Variants in PCDHGA8 observed in about 807,000 individuals in gnomAD.
PCDHGA8 encodes the protein protocadherin gamma subfamily A, 8.
In PCDHGA8, 45 loss-of-function variants were observed where a neutral mutation model predicts 59.2. The ratio of observed to expected loss-of-function variants is 0.76; its 90% CI spans 0.60 to 0.98. The LOEUF is 0.98. PCDHGA8 is among the 50% of genes least tolerant of loss of function. The pLI is 0.00. For synonymous variants in PCDHGA8, 531 were observed against 519.0 expected (o/e 1.02, Z -0.32); for missense variants, 1,257 against 1,196.2 (o/e 1.05, Z -0.75).
intron 1 of PCDHGA8, among the ~76,000 whole-genome samples, chr5:141,446,961 GA>G (rs1466390366): frequency 2.0e-5 from 3 of 152,070 alleles, no homozygotes; most frequent in Admixed American, 1.3e-4. Context: ...AGCACCCAGG[GA>G]AATTTGCTGT....
intron 2 of PCDHGA8, 160 bp from the exon 3 acceptor site, chr5:141,505,233 C>T: frequency 1.1e-6 from 1 of 872,838 alleles, no homozygotes; most frequent in Non-Finnish European, 1.4e-6. Context: ...ATTCTGGCTT[C>T]TGAAGGATTG....
chr5:141,408,313 T>C, intron 1 of PCDHGA8: 1 of 1,613,758 alleles, frequency 6.2e-7, no homozygotes, highest in South Asian at 1.1e-5. Context: ...GCTACTCGAT[T>C]CCGGAGGAGC....
At position 141,404,149 on chromosome 5, in the gene PCDHGA8, A is replaced by G. The variant is rs758060942; in HGVS notation, c.2424+8912A>G. The G allele has an allele frequency of 3.1e-6, 5 of 1,612,750 alleles. No individual in the cohort carries two copies. In the African/African-American group the frequency reaches 5.3e-5, roughly 17 times the overall value. On this transcript the variant is annotated intron_variant, in intron 1 of 3. Transcript: ENST00000398604. Reference sequence around the variant, plus strand: ...CTTTTACATTAGAAAATTCAGAAGAAGATTATTACAGATTGTTGACGGCCC... The same window carrying G: ...CTTTTACATTAGAAAATTCAGAAGAGGATTATTACAGATTGTTGACGGCCC...
chr5:141,424,860 A>C (rs2154550951), intron 1 of PCDHGA8, among the ~76,000 whole-genome samples: 1 of 152,340 alleles, frequency 6.6e-6, no homozygotes. Flanking sequence ...TGTCTAGGAA[A>C]GCCAAATGAG....
rs2099426122 is a variant in PCDHGA8 at position 141,477,960 on chromosome 5, A to C, written c.2425-16847A>C. On this transcript the variant is annotated intron_variant, in intron 1 of 3. Coordinates refer to ENST00000398604, the MANE Select transcript of PCDHGA8 (RefSeq NM_032088.2). This position sits in a 1 kb window ranked among gnomAD's most constrained non-coding sequence, Gnocchi z 4.9. ...TCCTACAGTCTCTTGGGATCCCCTAACCAGAGCCTTTTTGCCATAGGGCTG... is the reference window on the plus strand; with the variant it reads ...TCCTACAGTCTCTTGGGATCCCCTACCCAGAGCCTTTTTGCCATAGGGCTG... 1 of 1,613,952 alleles carries C rather than the reference A, an allele frequency of 6.2e-7. No individual in the cohort carries two copies. Among genetic ancestry groups the C allele is most frequent in the African/African-American group, 1.3e-5 (1 of 74,922 alleles).
chr5:141,475,990 A>T, intron 1 of PCDHGA8: 1 of 1,140,672 alleles, frequency 8.8e-7, no homozygotes, highest in Non-Finnish European at 1.2e-6. Context: ...CGGCGAGCAA[A>T]TCAACGGCAT....
chr5:141,404,550 C>A (rs372202008), intron 1 of PCDHGA8: 3 of 1,613,768 alleles, frequency 1.9e-6, no homozygotes, highest in Admixed American at 1.7e-5. Flanking sequence ...ATGCAGGTGA[C>A]GGCAAGTGAC....
At chr5:141,430,935 T>G (rs748546768) in intron 1 of PCDHGA8, 1 of 1,607,814 alleles carries the variant, frequency 6.2e-7, no homozygotes. Context: ...CCCCGGGAGC[T>G]CGCGGAGCGC....
In PCDHGA8 at chr5:141,394,850, G is replaced by A. The variant is rs778925348; in HGVS notation, c.2037G>A (p.Lys679=). ...PEVLTELGSL[K]PSVDPNDSSL... is the part of the protein sequence containing the mutation. ...TCCTGACCGAGTTGGGCAGTCTGAA[G>A]CCTTCGGTCGACCCGAACGATTCGA... is the stretch of plus-strand genomic sequence containing the variant. Residue 679 remains lysine, a synonymous_variant, in exon 1 of 4, where the codon AAG becomes AAA. Transcript: ENST00000398604. 17 of 1,613,702 alleles carry A rather than the reference G, an allele frequency of 1.1e-5. No homozygotes were observed. Among genetic ancestry groups the A allele is most frequent in the Non-Finnish European group, 1.4e-5 (17 of 1,179,926 alleles).
chr5:141,400,717 G>C (rs2094065619), intron 1 of PCDHGA8: 1 of 672,320 alleles, frequency 1.5e-6, no homozygotes. Context: ...TAGCCTTATA[G>C]ATTTACAAAG....
Position 141,393,820 on chromosome 5 carries a change from CG to C in PCDHGA8, c.1009del (p.Val337TrpfsTer4), listed in dbSNP as rs370400807. ...ALLGRTKLLI[S>X]VEDVNDNRPE... Reference sequence around the variant, plus strand: ...CTGGGGAGGACCAAATTGCTCATTTCGGTGGAAGATGTAAATGACAATAGAC... The same window carrying C: ...CTGGGGAGGACCAAATTGCTCATTTCGTGGAAGATGTAAATGACAATAGAC... On this transcript the variant is annotated frameshift_variant, in exon 1 of 4. Transcript: ENST00000398604. LOFTEE classifies it high-confidence loss of function. The C allele has an allele frequency of 9.3e-6, 15 of 1,613,800 alleles. No individual in the cohort carries two copies. In the African/African-American group the frequency reaches 9.3e-5, roughly 10 times the overall value.
intron 1 of PCDHGA8, chr5:141,419,071 A>G: frequency 6.2e-7 from 1 of 1,614,006 alleles, no homozygotes; most frequent in South Asian, 1.1e-5. Flanking sequence ...ACTACAAGCT[A>G]GTAACAGATG....
At chr5:141,429,169 T>TACATACACACACACACAC (rs369570830) in intron 1 of PCDHGA8, 115 of 145,474 alleles carry the variant, frequency 7.9e-4, no homozygotes, top group African/African-American at 2.1e-3. Flanking sequence ...ACATTGTTTA[T>TACATACACACACACACAC]ACACACACAC....
intron 1 of PCDHGA8, among the ~76,000 whole-genome samples, chr5:141,425,078 G>A (rs1196415752): frequency 3.9e-5 from 6 of 152,112 alleles, no homozygotes; most frequent in Admixed American, 6.5e-5. Flanking sequence ...AATTTCAACT[G>A]TAGGAAAGGC....
Position 141,403,122 on chromosome 5 carries a change from G to A in PCDHGA8, c.2424+7885G>A, listed in dbSNP as rs550510039. 4.3e-5 allele frequency: 69 copies of A among 1,613,932 alleles called. No individual in the cohort carries two copies. Among genetic ancestry groups the A allele is most frequent in the East Asian group, 8.9e-5 (4 of 44,898 alleles). ...TCCAAGGACCTGGCTCTGGAGCCCC[G>A]GGAGCTGGCGGAGCGCCGAGTCCGC... On this transcript the variant is annotated intron_variant, in intron 1 of 3. Transcript: ENST00000398604.
At chr5:141,423,470 A>C (rs904433654) in intron 1 of PCDHGA8, 54 of 1,613,884 alleles carry the variant, frequency 3.3e-5, no homozygotes, top group Non-Finnish European at 4.3e-5. Context: ...GACGGGGTAC[A>C]GGCTTTCCTG....
At chr5:141,496,838 T>C (rs182118142) in intron 2 of PCDHGA8, among the ~76,000 whole-genome samples, 39 of 150,790 alleles carry the variant, frequency 2.6e-4, no homozygotes, top group African/African-American at 8.3e-4. Flanking sequence ...CCAGAACTCA[T>C]AGGCTTCCAG....
rs936419038 is a variant in PCDHGA8 at position 141,493,313 on chromosome 5, G to T, written c.2425-1494G>T. On this transcript the variant is annotated intron_variant, in intron 1 of 3. Transcript: ENST00000398604. This position sits in a 1 kb window ranked among gnomAD's most constrained non-coding sequence, Gnocchi z 4.3. ...TCAAGTTCACAGAGCAAGTAAGAGA[G>T]ATTCTAACCCCTGTCTAACTCCAGA... Among the ~76,000 whole-genome samples, 4 of 152,214 alleles carry T rather than the reference G, an allele frequency of 2.6e-5. No individual in the cohort carries two copies. Among genetic ancestry groups the T allele is most frequent in the Non-Finnish European group, 4.4e-5 (3 of 68,040 alleles).
chr5:141,476,196 A>G lies in PCDHGA8; in HGVS notation c.2425-18611A>G, dbSNP rs2099386612. The G allele has an allele frequency of 6.2e-7, 1 of 1,613,852 alleles. No individual in the cohort carries two copies. Among genetic ancestry groups the G allele is most frequent in the South Asian group, 1.1e-5 (1 of 91,074 alleles). ...GTTTTGCTTCTGCTTGGTGCCTTGA[A>G]CAAGGCTTCCACGGTCATTCACTAT... On this transcript the variant is annotated intron_variant, in intron 1 of 3. Coordinates refer to ENST00000398604, the MANE Select transcript of PCDHGA8 (RefSeq NM_032088.2). This position sits in a 1 kb window ranked among gnomAD's most constrained non-coding sequence, Gnocchi z 7.6.
Sources: gnomAD v4.1 joint callset for allele counts (sites outside exome capture counted in the v4.1 genomes callset) on GRCh38, gnomAD v4.1.1 for gene constraint, Gnocchi (gnomAD v3.1) non-coding constraint, MANE v1.5 for transcripts, NCBI Gene and HGNC (gene_info 2026-07-23, HGNC 2026-07-21) for gene names.